MAD1L1: variants seen among roughly 807,000 people sequenced by gnomAD.
MAD1L1 encodes mitotic spindle assembly checkpoint protein MAD1.
In MAD1L1, 95 loss-of-function variants were observed where a neutral mutation model predicts 96.9. The observed-to-expected ratio is 0.98, with a 90% CI of 0.83 to 1.16. MAD1L1 has a LOEUF of 1.16. Ranked by LOEUF, MAD1L1 falls within the 50% of genes most tolerant of loss-of-function variation. MAD1L1 has a pLI of 0.00. For synonymous variants in MAD1L1, 473 were observed against 396.6 expected, an observed-to-expected ratio of 1.19 and a Z score of -2.29; for missense variants, 1,007 against 954.4, an observed-to-expected ratio of 1.06 and a Z score of -0.73.
chr7:1,978,338 C>T (rs1389681024), intron 15 of MAD1L1, among the ~76,000 whole-genome samples: 2 of 152,266 alleles, frequency 1.3e-5, no homozygotes, highest in Non-Finnish European at 2.9e-5. Context: ...TGGGGCTGCT[C>T]TTGCAAGTCA....
At chr7:1,925,168 C>T (rs4721203) in intron 17 of MAD1L1, among the ~76,000 whole-genome samples, 2,394 of 152,272 alleles carry the variant, frequency 0.016, 39 homozygotes, top group East Asian at 0.084. Context: ...ACATACCTAT[C>T]AGGTGCACAT....
chr7:1,992,992 G>A (rs943908184), intron 14 of MAD1L1, among the ~76,000 whole-genome samples: 1 of 152,240 alleles, frequency 6.6e-6, no homozygotes, highest in Non-Finnish European at 1.5e-5. Context: ...TACTTAGGAT[G>A]AGGGTACTAT....
intron 18 of MAD1L1, among the ~76,000 whole-genome samples, chr7:1,822,192 CAAAATT>C (rs1443457433): frequency 1.2e-4 from 7 of 58,490 alleles, no homozygotes; most frequent in South Asian, 3.9e-4. Context: ...AAGTGAAAAA[CAAAATT>C]AAAAGGCAAT....
Position 1,981,869 on chromosome 7 carries a change from T to C in MAD1L1, c.1417-1328A>G, listed in dbSNP as rs144079647. ...CCTGATCTAATCACCATATGTTACA[T>C]GTACTGAAACATCACTATGTACCCC... On this transcript the variant is annotated intron_variant, in intron 14 of 18. Coordinates refer to ENST00000265854, the MANE Select transcript of MAD1L1 (RefSeq NM_001013836.2). Among the ~76,000 whole-genome samples, 56 of 152,256 alleles carry C rather than the reference T, an allele frequency of 3.7e-4. 1 individual carries two copies. Among genetic ancestry groups the C allele is most frequent in the Non-Finnish European group, 5.3e-4 (36 of 68,004 alleles).
intron 13 of MAD1L1, among the ~76,000 whole-genome samples, chr7:2,003,435 C>A (rs1050784421): frequency 6.6e-6 from 1 of 152,098 alleles, no homozygotes; most frequent in Admixed American, 6.5e-5. Flanking sequence ...TCAACCTGTC[C>A]GCTCTGCAGA....
chr7:1,827,568 GGGTGTGGCATCCTCCCCTCCTGAGCCCGT>G (rs1241547542), intron 18 of MAD1L1, among the ~76,000 whole-genome samples: 27 of 120,406 alleles, frequency 2.2e-4, no homozygotes, highest in South Asian at 5.3e-4. Flanking sequence ...AGCCCGTCCC[GGGTGTGGCATCCTCCCCTCCTGAGCCCGT>G]CCCGGGTGTG....
chr7:2,196,713 G>C (rs1202956175), intron 10 of MAD1L1, among the ~76,000 whole-genome samples: 5 of 152,222 alleles, frequency 3.3e-5, no homozygotes, highest in African/African-American at 1.2e-4. Context: ...AGAGGAAACA[G>C]AAAAACAGGG....
chr7:1,854,714 C>T (rs892236488), intron 18 of MAD1L1, among the ~76,000 whole-genome samples: 2 of 152,174 alleles, frequency 1.3e-5, no homozygotes, highest in African/African-American at 4.8e-5. Context: ...CCACAGAACC[C>T]ACATCCTTCT....
intron 10 of MAD1L1, among the ~76,000 whole-genome samples, chr7:2,203,316 G>C (rs779314107): frequency 6.6e-6 from 1 of 152,230 alleles, no homozygotes; most frequent in Non-Finnish European, 1.5e-5. Flanking sequence ...AGCCTTTGAA[G>C]ATGCCTGCTC....
chr7:2,001,870 C>T (rs375710699), intron 14 of MAD1L1, among the ~76,000 whole-genome samples, 195 bp downstream of exon 14: 31 of 152,342 alleles, frequency 2.0e-4, no homozygotes, highest in East Asian at 9.7e-4. Flanking sequence ...TCCCCGCCGG[C>T]GCATGCCACC....
rs114505025 is a variant in MAD1L1, at chr7:1,925,915, A to T, written c.1807+10772T>A. Among the ~76,000 whole-genome samples the T allele has an allele frequency of 7.2e-3, 1,095 of 152,332 alleles. 13 individuals carry two copies. Among genetic ancestry groups the T allele is most frequent in the African/African-American group, 0.025 (1,052 of 41,566 alleles). ...GCAAACTAAAACTAAAGCAGGCAGAAGGAAGGAAACACAAAACTACAACAG... is the reference window on the plus strand; with the variant it reads ...GCAAACTAAAACTAAAGCAGGCAGATGGAAGGAAACACAAAACTACAACAG... On this transcript the variant is annotated intron_variant, in intron 17 of 18. Coordinates refer to ENST00000265854, the MANE Select transcript of MAD1L1 (RefSeq NM_001013836.2).
At position 1,816,446 on chromosome 7, in the gene MAD1L1, T is replaced by C. The variant is rs537733271; in HGVS notation, c.1999-218A>G. 2.6e-5 allele frequency among the ~76,000 whole-genome samples: 4 copies of C among 152,262 alleles called. No individual in the cohort carries two copies. The East Asian group carries it at 5.8e-4, about 22-fold the overall frequency. On this transcript the variant is annotated intron_variant, in intron 18 of 18. Transcript: ENST00000265854. ...AAGGTCTCTGTTGTCTACACTGTCA[T>C]CTACCCAGGCAGTTGGGGGTCCCAG...
chr7:2,049,280 C>T (rs935126138), intron 12 of MAD1L1, among the ~76,000 whole-genome samples: 2 of 152,172 alleles, frequency 1.3e-5, no homozygotes. Context: ...AGGCTTCCTC[C>T]CCCTAGAAGA....
intron 12 of MAD1L1, among the ~76,000 whole-genome samples, chr7:2,022,041 T>C (rs1395553313): frequency 2.6e-5 from 4 of 152,144 alleles, no homozygotes; most frequent in African/African-American, 7.2e-5. Context: ...CTGCAACCTC[T>C]ACCTCTGGGG....
At chr7:2,173,161 T>A (rs1051310489) in intron 10 of MAD1L1, among the ~76,000 whole-genome samples, 1 of 152,198 alleles carries the variant, frequency 6.6e-6, no homozygotes, top group African/African-American at 2.4e-5. Flanking sequence ...TCTAAGTTAT[T>A]TGAGTCAATT....
chr7:1,994,555 G>A (rs1338738629), intron 14 of MAD1L1, among the ~76,000 whole-genome samples: 1 of 152,212 alleles, frequency 6.6e-6, no homozygotes, highest in Non-Finnish European at 1.5e-5. Flanking sequence ...TCACACAGCA[G>A]GAAGGAGGTG....
At chr7:1,822,442 A>ATATATATATATT (rs768089526) in intron 18 of MAD1L1, among the ~76,000 whole-genome samples, 155 of 140,568 alleles carry the variant, frequency 1.1e-3, no homozygotes, top group Non-Finnish European at 1.8e-3. Context: ...ATATATATAT[A>ATATATATATATT]TTTTTTTTTT....
At chr7:1,971,018 G>C (rs1383556798) in intron 15 of MAD1L1, among the ~76,000 whole-genome samples, 2 of 152,180 alleles carry the variant, frequency 1.3e-5, no homozygotes, top group Non-Finnish European at 2.9e-5. Context: ...CAGGCCTGCA[G>C]TTAGAATTCA....
chr7:2,121,611 C>G (rs1390294369), intron 11 of MAD1L1, among the ~76,000 whole-genome samples: 1 of 152,188 alleles, frequency 6.6e-6, no homozygotes, highest in African/African-American at 2.4e-5. Context: ...CTGCAGATCA[C>G]GGCATCCTGG....
Sources: gnomAD v4.1 joint callset for allele counts (sites outside exome capture counted in the v4.1 genomes callset) on GRCh38, gnomAD v4.1.1 for gene constraint, MANE v1.5 for transcripts, NCBI Gene and HGNC (gene_info 2026-07-23, HGNC 2026-07-21) for gene names.